TLN2: variants seen among roughly 807,000 people sequenced by gnomAD.
TLN2 encodes talin 2.
A neutral mutation model predicts 294.7 loss-of-function variants in TLN2; 118 were observed. That is an observed-to-expected ratio of 0.40 (90% CI 0.34 to 0.47). TLN2 has a LOEUF of 0.47. Ranked by LOEUF, TLN2 falls within the 20% of genes least tolerant of loss-of-function variation. The pLI, the probability that TLN2 is intolerant of heterozygous loss-of-function variation, is 0.84. For synonymous variants in TLN2, 1,431 were observed against 1,304.5 expected (o/e 1.10, Z -2.09); for missense variants, 3,083 against 3,282.2 (o/e 0.94, Z 1.48).
intron 23 of TLN2, 105 bp from the exon 24 acceptor site, chr15:62,717,471 C>A: frequency 1.5e-6 from 1 of 677,374 alleles, no homozygotes; most frequent in Non-Finnish European, 2.2e-6. Flanking sequence ...CTTTGGAGTT[C>A]TTTTAGAGCC....
intron 2 of TLN2, among the ~76,000 whole-genome samples, chr15:62,604,252 C>T (rs541001341): frequency 6.6e-6 from 1 of 152,114 alleles, no homozygotes; most frequent in Admixed American, 6.5e-5. Context: ...CATGGTGGCT[C>T]TCAACTGTAA....
chr15:62,677,124 C>T (rs184581064), intron 11 of TLN2, among the ~76,000 whole-genome samples: 1 of 152,280 alleles, frequency 6.6e-6, no homozygotes, highest in African/African-American at 2.4e-5. Context: ...CCATCTGTGC[C>T]CTGAACACAT....
chr15:62,610,733 C>T (rs7168059), intron 2 of TLN2, among the ~76,000 whole-genome samples: 30,339 of 152,144 alleles, frequency 0.2, 3,453 homozygotes, highest in East Asian at 0.42. Flanking sequence ...CTGTTCTGCA[C>T]TCGTCCATGA....
At position 62,551,513 on chromosome 15, in the gene TLN2, T is replaced by TACACACACACACACACAC. The variant is rs56986714; in HGVS notation, c.-237-38156_-237-38139dup. Among the ~76,000 whole-genome samples, 201 of 147,084 alleles carry TACACACACACACACACAC rather than the reference T, an allele frequency of 1.4e-3. 1 individual carries two copies. The highest frequency in any genetic ancestry group is 4.8e-3 in the African/African-American group (192 of 39,784). On this transcript the variant is annotated intron_variant, in intron 1 of 58. Transcript: ENST00000636159. The stretch of plus-strand genomic sequence containing the variant: ...AGTGAAAGCCAATCTCTACTAAAAA[T>TACACACACACACACACAC]ACACACACACACACACACACACACA...
chr15:62,729,471 A>AT (rs140575778), intron 28 of TLN2, among the ~76,000 whole-genome samples: 2,189 of 152,306 alleles, frequency 0.014, 54 homozygotes, highest in African/African-American at 0.051. Flanking sequence ...TCTTTATATC[A>AT]TTGAGTCTTC....
chr15:62,636,275 T>TAGATAGATAGATAGATAGAG, intron 3 of TLN2, among the ~76,000 whole-genome samples: 1 of 151,662 alleles, frequency 6.6e-6, no homozygotes, highest in Non-Finnish European at 1.5e-5. Flanking sequence ...GATAGATAGA[T>TAGATAGATAGATAGATAGAG]AGATAGAGTT....
chr15:62,493,117 C>A (rs1034013349), intron 1 of TLN2, among the ~76,000 whole-genome samples: 1 of 152,236 alleles, frequency 6.6e-6, no homozygotes, highest in African/African-American at 2.4e-5. Flanking sequence ...AGATGAAGGG[C>A]GTAAATCATG....
chr15:62,744,267 C>T (rs1433335633), intron 32 of TLN2, among the ~76,000 whole-genome samples: 5 of 152,160 alleles, frequency 3.3e-5, no homozygotes, highest in African/African-American at 7.2e-5. Flanking sequence ...CATGCCCTGC[C>T]GGGTGTCCCG....
At chr15:62,797,527 T>A in intron 48 of TLN2, 125 bp downstream of exon 48, 1 of 1,177,294 alleles carries the variant, frequency 8.5e-7, no homozygotes, top group Non-Finnish European at 1.2e-6. Flanking sequence ...TGAGTGTGTC[T>A]GGTTTGAGGA....
At chr15:62,676,890 C>T (rs1250707765) in intron 11 of TLN2, among the ~76,000 whole-genome samples, 1 of 152,226 alleles carries the variant, frequency 6.6e-6, no homozygotes, top group Non-Finnish European at 1.5e-5. Context: ...GCTAGTATTA[C>T]AGGCGTGAGC....
At chr15:62,772,700 T>A (rs369415897) in intron 42 of TLN2, among the ~76,000 whole-genome samples, 1 of 152,138 alleles carries the variant, frequency 6.6e-6, no homozygotes, top group African/African-American at 2.4e-5. Flanking sequence ...TTTGCTCTTG[T>A]TGCCCAGCCT....
chr15:62,649,407 T>C (rs1567261048), intron 4 of TLN2, among the ~76,000 whole-genome samples: 1 of 152,156 alleles, frequency 6.6e-6, no homozygotes, highest in African/African-American at 2.4e-5. Context: ...TACCCTCATC[T>C]GGGTCTCAGA....
chr15:62,716,355 G>A lies in TLN2; in HGVS notation c.2659G>A (p.Glu887Lys). 13 of 1,608,388 alleles carry A rather than the reference G, an allele frequency of 8.1e-6. No homozygotes were observed. The highest frequency in any genetic ancestry group is 1.0e-5 in the Non-Finnish European group (12 of 1,177,728). Residue 887 changes from glutamate to lysine, a missense_variant, in exon 23 of 59, where the codon GAG becomes AAG. By Grantham distance (56) the Glu-to-Lys change is moderately conservative. Coordinates refer to ENST00000636159, the MANE Select transcript of TLN2 (RefSeq NM_015059.3). ...AKGAAANPEN[E>K]DQQQRLREAA... is the part of the protein sequence containing the mutation. ...GGGGGCTGCAGCCAACCCAGAGAAT[G>A]AGGACCAGCAGCAAAGGCTGAGAGA...
chr15:62,517,123 C>T (rs565840810), intron 1 of TLN2, among the ~76,000 whole-genome samples: 2 of 152,178 alleles, frequency 1.3e-5, no homozygotes, highest in African/African-American at 2.4e-5. Context: ...CCAAGGATGG[C>T]GAGAGGTTGC....
chr15:62,781,502 G>A lies in TLN2; in HGVS notation c.5616+261G>A, dbSNP rs375100659. Among the ~76,000 whole-genome samples the A allele has an allele frequency of 5.3e-5, 8 of 152,330 alleles. No individual in the cohort carries two copies. In the East Asian group the frequency reaches 1.5e-3, roughly 29 times the overall value. The stretch of plus-strand genomic sequence containing the variant: ...CTGAGACTTGGGCATGAGGACAGAG[G>A]AGCAAAGGAAGGAGAGAAAATGAAA... On this transcript the variant is annotated intron_variant, in intron 44 of 58. Transcript: ENST00000636159.
intron 1 of TLN2, among the ~76,000 whole-genome samples, chr15:62,510,334 A>G (rs951949396): frequency 6.6e-6 from 1 of 152,198 alleles, no homozygotes; most frequent in African/African-American, 2.4e-5. Context: ...GGGATCAGCT[A>G]GGCTTGGGTG....
At chr15:62,598,044 A>T (rs2046681554) in intron 2 of TLN2, among the ~76,000 whole-genome samples, 1 of 152,138 alleles carries the variant, frequency 6.6e-6, no homozygotes, top group African/African-American at 2.4e-5. Context: ...CGTGTGTTGG[A>T]TGGGGCAGTG....
chr15:62,771,161 C>G, intron 42 of TLN2, 27 bp downstream of exon 42: 2 of 1,564,166 alleles, frequency 1.3e-6, no homozygotes, highest in Non-Finnish European at 1.7e-6. Flanking sequence ...CGGGGACTCA[C>G]TTAGGACCAC....
chr15:62,455,871 C>T (rs1398670432), intron 1 of TLN2, among the ~76,000 whole-genome samples: 1 of 152,194 alleles, frequency 6.6e-6, no homozygotes, highest in African/African-American at 2.4e-5. Context: ...ACCGCCGCCA[C>T]CTGTTCCCTG....
Sources: gnomAD v4.1 joint callset for allele counts (sites outside exome capture counted in the v4.1 genomes callset) on GRCh38, gnomAD v4.1.1 for gene constraint, MANE v1.5 for transcripts, NCBI Gene and HGNC (gene_info 2026-07-23, HGNC 2026-07-21) for gene names.